Variants in ATF2 observed in about 807,000 individuals in gnomAD.
The protein encoded by ATF2 is activating transcription factor 2, also known as cyclic AMP-dependent transcription factor ATF-2.
A neutral mutation model predicts 60.6 loss-of-function variants in ATF2; 24 were observed. That is an observed-to-expected ratio of 0.40 (90% confidence interval 0.29 to 0.56). The LOEUF is 0.56. Among genes scored for constraint, ATF2 ranks in the 20% least tolerant of loss-of-function variants. The pLI, the probability that ATF2 is intolerant of heterozygous loss-of-function variation, is 0.54. For missense variants in ATF2, 433 were observed against 607.7 expected, an observed-to-expected ratio of 0.71 and a Z score of 3.02; for synonymous variants, 206 against 215.4, an observed-to-expected ratio of 0.96 and a Z score of 0.38.
intron 2 of ATF2, 138 bp from the exon 3 acceptor site, chr2:175,136,624 T>C: frequency 1.7e-6 from 1 of 597,014 alleles, no homozygotes; most frequent in Non-Finnish European, 3.0e-6. Flanking sequence ...ATTTTTATAA[T>C]AGAGTACTGC....
intron 1 of ATF2, among the ~76,000 whole-genome samples, chr2:175,154,296 C>T (rs1276677296): frequency 1.3e-5 from 2 of 150,818 alleles, no homozygotes; most frequent in African/African-American, 2.4e-5. Flanking sequence ...CACACAGATA[C>T]ACACATTAGC....
intron 2 of ATF2, among the ~76,000 whole-genome samples, chr2:175,143,934 C>T (rs1310914941): frequency 6.6e-6 from 1 of 152,060 alleles, no homozygotes; most frequent in African/African-American, 2.4e-5. Flanking sequence ...GCTGGAACCA[C>T]AGGTGTATAC....
chr2:175,092,684 G>A, intron 12 of ATF2: 1 of 389,238 alleles, frequency 2.6e-6, no homozygotes. Context: ...AATAAAAACT[G>A]CTACTGAAGA....
Position 175,136,428 on chromosome 2 carries a change from G to A in ATF2, c.16C>T (p.His6Tyr). MKFKLHVNSARQYKDL... is the reference protein window; with the variant it reads MKFKLYVNSARQYKDL... ...CACACATACCTGGCAGAATTCACAT[G>A]TAACTTGAATTTCATAAGTTGAATA... Residue 6 changes from histidine (H) to tyrosine (Y), a missense_variant, in exon 3 of 14, where the codon CAT becomes TAT. Coordinates refer to ENST00000264110, the MANE Select transcript of ATF2 (RefSeq NM_001880.4). 1 of 1,609,898 alleles carries A rather than the reference G, an allele frequency of 6.2e-7. No individual in the cohort carries two copies. The highest frequency in any genetic ancestry group is 8.5e-7 in the Non-Finnish European group (1 of 1,178,192).
chr2:175,087,430 A>G (rs1694245043), intron 12 of ATF2, among the ~76,000 whole-genome samples: 1 of 152,196 alleles, frequency 6.6e-6, no homozygotes, highest in Non-Finnish European at 1.5e-5. Flanking sequence ...GGCTACTCAA[A>G]GGTTAATTAC....
intron 7 of ATF2, among the ~76,000 whole-genome samples, chr2:175,116,593 T>C (rs1696586965): frequency 6.6e-6 from 1 of 151,814 alleles, no homozygotes; most frequent in East Asian, 1.9e-4. Flanking sequence ...ATTAAAGTTA[T>C]GGGCCTGGAT....
intron 2 of ATF2, among the ~76,000 whole-genome samples, chr2:175,149,065 T>A (rs1699135224): frequency 6.6e-6 from 1 of 152,222 alleles, no homozygotes; most frequent in African/African-American, 2.4e-5. Context: ...TTTATAGAGT[T>A]TCACTCTTCT....
intron 1 of ATF2, among the ~76,000 whole-genome samples, chr2:175,160,520 C>G (rs13418751): frequency 1.7e-3 from 266 of 152,250 alleles, no homozygotes; most frequent in African/African-American, 6.2e-3. Context: ...ATCCCTCGAC[C>G]CAACATCCAT....
intron 12 of ATF2, among the ~76,000 whole-genome samples, chr2:175,085,553 T>TACACACACACACACAC (rs56804408): frequency 1.4e-5 from 2 of 141,420 alleles, no homozygotes; most frequent in African/African-American, 5.4e-5. Flanking sequence ...ATACATAACA[T>TACACACACACACACAC]ACACACACAC....
chr2:175,127,784 G>C (rs1023223082), intron 4 of ATF2, among the ~76,000 whole-genome samples: 1 of 152,142 alleles, frequency 6.6e-6, no homozygotes, highest in Non-Finnish European at 1.5e-5. Context: ...CACCTTAGCA[G>C]AGGCACATTC....
chr2:175,088,971 C>T (rs943110531), intron 12 of ATF2, among the ~76,000 whole-genome samples: 5 of 152,090 alleles, frequency 3.3e-5, no homozygotes, highest in Admixed American at 6.6e-5. Flanking sequence ...CACTTGAGGT[C>T]GGGAGTTCGA....
chr2:175,164,625 T>C (rs913388838), intron 1 of ATF2, among the ~76,000 whole-genome samples: 4 of 152,226 alleles, frequency 2.6e-5, no homozygotes, highest in South Asian at 4.1e-4. Flanking sequence ...TACCTTACTA[T>C]ATAACCTTTT....
intron 4 of ATF2, among the ~76,000 whole-genome samples, chr2:175,128,229 G>T (rs978458026): frequency 6.6e-6 from 1 of 152,168 alleles, no homozygotes; most frequent in Non-Finnish European, 1.5e-5. Flanking sequence ...GGCTGGGCGC[G>T]GTGGCTCACG....
chr2:175,115,434 A>G (rs181999380), intron 7 of ATF2, among the ~76,000 whole-genome samples: 1 of 152,188 alleles, frequency 6.6e-6, no homozygotes, highest in East Asian at 1.9e-4. Flanking sequence ...TGTAAAATAA[A>G]TAATTACCGG....
chr2:175,111,852 C>T (rs1696215682), intron 9 of ATF2, among the ~76,000 whole-genome samples, 198 bp from the exon 10 acceptor site: 4 of 151,862 alleles, frequency 2.6e-5, no homozygotes, highest in Admixed American at 2.0e-4. Flanking sequence ...ATTTCTGAGA[C>T]GTGTGCTTTC....
At chr2:175,108,463 G>C (rs1448964369) in intron 10 of ATF2, among the ~76,000 whole-genome samples, 1 of 148,466 alleles carries the variant, frequency 6.7e-6, no homozygotes, top group African/African-American at 2.5e-5. Context: ...GGAGGGAGGT[G>C]GGGGGTCAGC....
intron 13 of ATF2, 59 bp from the exon 14 acceptor site, chr2:175,074,894 T>TG: frequency 6.3e-7 from 1 of 1,597,760 alleles, no homozygotes; most frequent in Non-Finnish European, 8.5e-7. Flanking sequence ...TGCACCAGTA[T>TG]GCTGAGGCAA....
At chr2:175,130,462 T>C (rs1697652355) in intron 3 of ATF2, among the ~76,000 whole-genome samples, 1 of 152,052 alleles carries the variant, frequency 6.6e-6, no homozygotes, top group Non-Finnish European at 1.5e-5. Flanking sequence ...CTCAACAGTG[T>C]AAAAGTACTT....
At chr2:175,111,274 T>C (rs1696163947) in intron 10 of ATF2, among the ~76,000 whole-genome samples, 1 of 152,196 alleles carries the variant, frequency 6.6e-6, no homozygotes, top group African/African-American at 2.4e-5. Flanking sequence ...TAGTTTCAGA[T>C]GTAATACTCC....
Sources: allele counts gnomAD v4.1 joint callset (sites outside exome capture counted in the v4.1 genomes callset), GRCh38; gene constraint gnomAD v4.1.1; transcripts MANE v1.5; gene names NCBI Gene and HGNC (gene_info 2026-07-23, HGNC 2026-07-21).